The following VPS13D variants were observed in gnomAD, a reference collection of about 807,000 sequenced individuals.
VPS13D encodes the protein intermembrane lipid transfer protein VPS13D.
VPS13D carries 187 observed loss-of-function variants against 461.9 expected under a neutral mutation model. The ratio of observed to expected loss-of-function variants is 0.40; its 90% CI spans 0.36 to 0.46. The LOEUF is 0.46. Ranked by LOEUF, VPS13D falls within the 20% of genes least tolerant of loss-of-function variation. The pLI, the probability that VPS13D is intolerant of heterozygous loss-of-function variation, is 0.60. For synonymous variants in VPS13D, 1,951 were observed against 1,986.3 expected, an observed-to-expected ratio of 0.98 and a Z score of 0.47; for missense variants, 4,711 against 5,364.9, an observed-to-expected ratio of 0.88 and a Z score of 3.81.
At chr1:12,479,968 G>A (rs970495955) in intron 67 of VPS13D, among the ~76,000 whole-genome samples, 2 of 152,148 alleles carry the variant, frequency 1.3e-5, no homozygotes, top group Non-Finnish European at 2.9e-5. Flanking sequence ...GGGAAGCTTG[G>A]AAGGGCTCAT....
At chr1:12,270,954 G>A in intron 16 of VPS13D, 40 bp from the exon 17 acceptor site, 1 of 1,604,904 alleles carries the variant, frequency 6.2e-7, no homozygotes. Context: ...ACCCAGCCGT[G>A]TGAAAATTCT....
At chr1:12,506,822 G>T (rs1225739826) in intron 68 of VPS13D, 31 bp from the exon 69 acceptor site, 1 of 1,605,622 alleles carries the variant, frequency 6.2e-7, no homozygotes, top group East Asian at 2.2e-5. Context: ...AGCCCCAGGT[G>T]TCACTCCTGT....
chr1:12,342,610 C>T (rs917817675), intron 41 of VPS13D, among the ~76,000 whole-genome samples: 3 of 152,304 alleles, frequency 2.0e-5, no homozygotes, highest in Non-Finnish European at 2.9e-5. Context: ...ACTTAAATGC[C>T]ACTTGAAAAA....
At chr1:12,385,141 C>G (rs375229613) in intron 58 of VPS13D, 119 bp from the exon 59 acceptor site, 1 of 769,722 alleles carries the variant, frequency 1.3e-6, no homozygotes, top group East Asian at 2.8e-5. Context: ...GGAAACCATT[C>G]GCTTCCATAG....
Position 12,283,656 on chromosome 1 carries a change from C to T in VPS13D, c.5554C>T (p.Leu1852=). 6.2e-7 allele frequency: 1 copy of T among 1,614,184 alleles called. No homozygotes were observed. The highest frequency in any genetic ancestry group is 1.1e-5 in the South Asian group (1 of 91,072). The change falls in exon 21 of 70, where the codon CTG becomes TTG. Residue 1852 remains leucine (L), a synonymous_variant. Coordinates refer to ENST00000620676, the MANE Select transcript of VPS13D (RefSeq NM_015378.4). ...HAMRLPPEGI[L]HNVKLEPHAS... ...AATGAGGCTGCCTCCTGAGGGCATT[C>T]TGCACAACGTGAAGTTGGAGCCACA...
At position 12,383,159 on chromosome 1, in the gene VPS13D, A is replaced by C. The variant is rs138489477; in HGVS notation, c.11370+4A>C. On this transcript the variant is annotated splice_donor_region_variant and intron_variant, in intron 58 of 69. Transcript: ENST00000620676. ...TGGACCAACTAGAGCACTCCAGGTG[A>C]TAATTTGTCATAAGAGCTGATGTGA... The C allele has an allele frequency of 1.2e-6, 2 of 1,607,636 alleles. No homozygotes were observed. Among genetic ancestry groups the C allele is most frequent in the African/African-American group, 2.7e-5 (2 of 74,610 alleles).
chr1:12,234,780 T>A (rs893869358), intron 2 of VPS13D, among the ~76,000 whole-genome samples: 1 of 152,204 alleles, frequency 6.6e-6, no homozygotes, highest in Admixed American at 6.5e-5. Context: ...AGAGATAATA[T>A]ACCTCCAGAG....
intron 67 of VPS13D, among the ~76,000 whole-genome samples, chr1:12,487,416 C>T (rs1645811961): frequency 1.3e-5 from 2 of 152,030 alleles, no homozygotes; most frequent in Non-Finnish European, 2.9e-5. Context: ...CGAGACCAGC[C>T]TGGCCAATAT....
intron 57 of VPS13D, 122 bp downstream of exon 57, chr1:12,379,718 AT>A: frequency 1.7e-6 from 1 of 595,202 alleles, no homozygotes; most frequent in East Asian, 3.5e-5. Flanking sequence ...AGCAATACTT[AT>A]TCTATTCCAT....
chr1:12,323,309 C>T (rs1028419174), intron 34 of VPS13D, among the ~76,000 whole-genome samples: 2 of 151,832 alleles, frequency 1.3e-5, no homozygotes, highest in Non-Finnish European at 1.5e-5. Flanking sequence ...TTCCTGGTCT[C>T]GAGTAGTCCC....
intron 1 of VPS13D, 73 bp from the exon 2 acceptor site, chr1:12,234,118 G>T (rs1640072953): frequency 1.2e-5 from 7 of 597,748 alleles, no homozygotes; most frequent in Middle Eastern, 3.7e-4. Context: ...CTACCTTCAG[G>T]CAGGTAGAGG....
chr1:12,447,260 C>T (rs1645204482), intron 65 of VPS13D, among the ~76,000 whole-genome samples: 1 of 152,166 alleles, frequency 6.6e-6, no homozygotes, highest in Non-Finnish European at 1.5e-5. Flanking sequence ...TAGCAAAAGT[C>T]ATGGTTGGGT....
At chr1:12,304,845 C>A in intron 26 of VPS13D, 117 bp downstream of exon 26, 1 of 1,009,218 alleles carries the variant, frequency 9.9e-7, no homozygotes, top group Non-Finnish European at 1.5e-6. Flanking sequence ...GATAGCATTT[C>A]TTTAACGATG....
intron 65 of VPS13D, among the ~76,000 whole-genome samples, chr1:12,433,675 A>G (rs1037324416): frequency 1.8e-4 from 27 of 152,092 alleles, no homozygotes; most frequent in African/African-American, 5.8e-4. Context: ...ACACAAAACT[A>G]TTGCCAATGG....
chr1:12,413,794 T>A (rs1024172156), intron 63 of VPS13D, among the ~76,000 whole-genome samples: 1 of 151,492 alleles, frequency 6.6e-6, no homozygotes, highest in Non-Finnish European at 1.5e-5. Context: ...TTTTTTTTTT[T>A]AAACGATCTA....
chr1:12,500,064 C>T, intron 68 of VPS13D: 2 of 985,372 alleles, frequency 2.0e-6, no homozygotes, highest in Non-Finnish European at 2.4e-6. Context: ...CACTGTTTCA[C>T]TTCTGGAAAA....
At chr1:12,494,948 C>T (rs1021787421) in intron 67 of VPS13D, among the ~76,000 whole-genome samples, 7 of 152,196 alleles carry the variant, frequency 4.6e-5, no homozygotes, top group Admixed American at 3.3e-4. Context: ...GGCACTCACT[C>T]GTTTATTCGG....
intron 10 of VPS13D, 99 bp downstream of exon 10, chr1:12,258,202 C>T: frequency 4.1e-6 from 6 of 1,448,756 alleles, no homozygotes; most frequent in Non-Finnish European, 5.6e-6. Flanking sequence ...AATAAAGTCC[C>T]ATGCCAAAGG....
Position 12,508,981 on chromosome 1 carries a change from T to C in VPS13D, c.13124T>C (p.Leu4375Ser). ...KSLYYEQQLM[L>S]RLSENREQLE... ...CTCTACTATGAACAGCAGCTTATGT[T>C]AAGACTCAGCGAAAACCGAGAGCAG... The change falls in exon 70 of 70, where the codon TTA (leucine) becomes TCA (serine). Residue 4375 changes from leucine to serine, a missense_variant. By Grantham distance (145) the Leu-to-Ser change is moderately radical. Coordinates refer to ENST00000620676, the MANE Select transcript of VPS13D (RefSeq NM_015378.4). The C allele has an allele frequency of 6.2e-7, 1 of 1,614,188 alleles. No homozygotes were observed. Among genetic ancestry groups the C allele is most frequent in the Non-Finnish European group, 8.5e-7 (1 of 1,180,030 alleles).
Sources: allele counts gnomAD v4.1 joint callset (sites outside exome capture counted in the v4.1 genomes callset), GRCh38; gene constraint gnomAD v4.1.1; transcripts MANE v1.5; gene names NCBI Gene and HGNC (gene_info 2026-07-23, HGNC 2026-07-21).